Variants in PHF8 observed in about 807,000 individuals in gnomAD.
PHF8 encodes the protein histone lysine demethylase PHF8.
Under a neutral mutation model 74.4 loss-of-function variants are expected in PHF8, and 9 were observed. The ratio of observed to expected loss-of-function variants is 0.12; its 90% CI spans 0.07 to 0.21. PHF8 has a LOEUF of 0.21. Among genes scored for constraint, PHF8 ranks in the 10% least tolerant of loss-of-function variants. The probability of loss-of-function intolerance (pLI) is 1.00; values close to 1 mark genes in which losing one functional copy is unlikely to be tolerated. For synonymous variants in PHF8, 311 were observed against 316.6 expected, an observed-to-expected ratio of 0.98 and a Z score of 0.19; for missense variants, 478 against 816.6, an observed-to-expected ratio of 0.59 and a Z score of 5.05.
intron 18 of PHF8, among the ~76,000 whole-genome samples, chrX:53,981,518 TTTTG>T (rs199757003): frequency 3.1e-4 from 35 of 111,938 alleles, no homozygotes; most frequent in South Asian, 1.5e-3. Flanking sequence ...TCTGTTTTTT[TTTTG>T]TTTGTTTGTT....
intron 18 of PHF8, among the ~76,000 whole-genome samples, chrX:53,972,579 T>C (rs1013438970): frequency 3.6e-5 from 4 of 111,397 alleles, no homozygotes; most frequent in African/African-American, 1.3e-4. Flanking sequence ...AGAAAATACC[T>C]TTGATAAAAT....
chrX:53,974,133 G>A (rs781825863), intron 18 of PHF8, among the ~76,000 whole-genome samples: 1 of 110,370 alleles, frequency 9.1e-6, no homozygotes. Flanking sequence ...GGTGGCAGGC[G>A]CCTGTAGTCC....
chrX:54,016,751 T>A lies in PHF8; in HGVS notation c.455-15A>T. The A allele has an allele frequency of 8.4e-7, 1 of 1,190,515 alleles. No individual in the cohort carries two copies. On this transcript the variant is annotated splice_polypyrimidine_tract_variant and intron_variant, in intron 5 of 21. Transcript: ENST00000338154. ...TTTGTCAGAACCTGGAGTAAAGAGA[T>A]AGGTTCTGCACCAAGTAGTCTCAGG... is the stretch of plus-strand genomic sequence containing the variant.
chrX:54,007,699 G>A (rs782295302), intron 8 of PHF8, among the ~76,000 whole-genome samples: 1 of 112,266 alleles, frequency 8.9e-6, no homozygotes, highest in Non-Finnish European at 1.9e-5. Flanking sequence ...ACCTCAATGA[G>A]ATACCACTTT....
At chrX:53,950,535 A>G (rs2064906746) in intron 19 of PHF8, among the ~76,000 whole-genome samples, 2 of 112,174 alleles carry the variant, frequency 1.8e-5, no homozygotes. Context: ...ACACAAATAG[A>G]AGTGAAGGCT....
At position 53,938,239 on chromosome X, in the gene PHF8, G is replaced by C. The variant is rs186237311; in HGVS notation, c.*919C>G. The C allele has an allele frequency of 7.7e-6, 8 of 1,044,755 alleles. No homozygotes were observed. The highest frequency in any genetic ancestry group is 3.6e-5 in the East Asian group (1 of 28,122). 86.1% of individuals were successfully genotyped at this position (1,044,755 alleles called of 1,213,427 possible). ...GTGGTATAGGCGGAGCAAGCAGGCT[G>C]TAGGGCCAGGGTTATCTGCGTCATT... is the stretch of plus-strand genomic sequence containing the variant. On this transcript the variant is annotated 3_prime_UTR_variant, in exon 22 of 22. Transcript: ENST00000338154.
chrX:54,036,359 A>G (rs1193861772), intron 2 of PHF8, among the ~76,000 whole-genome samples: 4 of 109,372 alleles, frequency 3.7e-5, no homozygotes, highest in Non-Finnish European at 7.6e-5. Flanking sequence ...ACTAGAAGTC[A>G]GTAACAGAAC....
At chrX:54,024,921 G>A (rs1457730715) in intron 2 of PHF8, among the ~76,000 whole-genome samples, 1 of 110,714 alleles carries the variant, frequency 9.0e-6, no homozygotes, top group Non-Finnish European at 1.9e-5. Context: ...CTGTCACCCA[G>A]GCTGGAGTGC....
At chrX:54,022,639 C>G in intron 3 of PHF8, 119 bp downstream of exon 3, 1 of 531,590 alleles carries the variant, frequency 1.9e-6, no homozygotes, top group Non-Finnish European at 3.3e-6. Flanking sequence ...TAGGCTTCTG[C>G]TATTTCCTGA....
intron 19 of PHF8, among the ~76,000 whole-genome samples, chrX:53,961,988 G>A (rs2065113565): frequency 1.8e-5 from 2 of 112,431 alleles, no homozygotes; most frequent in African/African-American, 3.2e-5. Context: ...TATGACTTAA[G>A]CAAAGGCTTG....
intron 19 of PHF8, among the ~76,000 whole-genome samples, chrX:53,954,521 AAAAG>A (rs2064983312): frequency 1.9e-5 from 2 of 104,424 alleles, no homozygotes; most frequent in Non-Finnish European, 3.9e-5. Flanking sequence ...AAAAAAAAAA[AAAAG>A]AAAAGAAAAA....
In PHF8 at chrX:53,937,993, GTCTCT is replaced by G; in HGVS notation, c.*1160_*1164del. Reference sequence around the variant, plus strand: ...ATGGTCTGCTCCTTCACGGATGGGCGTCTCTTCTCTTCAACTTGGGCTCGTGAATG... The same window carrying G: ...ATGGTCTGCTCCTTCACGGATGGGCGTCTCTTCAACTTGGGCTCGTGAATG... On this transcript the variant is annotated 3_prime_UTR_variant, in exon 22 of 22. Transcript: ENST00000338154. The G allele has an allele frequency of 8.6e-7, 1 of 1,163,359 alleles. No individual in the cohort carries two copies. The highest frequency in any genetic ancestry group is 1.9e-5 in the South Asian group (1 of 52,571).
intron 14 of PHF8, among the ~76,000 whole-genome samples, chrX:53,991,317 T>G (rs2065656119): frequency 8.9e-6 from 1 of 112,003 alleles, no homozygotes; most frequent in African/African-American, 3.2e-5. Context: ...AAGTGAAAAT[T>G]TGCTCTTACC....
At chrX:54,044,790 G>A, upstream of PHF8, 1 of 768,474 alleles carries the variant, frequency 1.3e-6, no homozygotes, top group South Asian at 2.5e-5. Context: ...CCTATGAGAG[G>A]AGGTGAACTC....
chrX:53,943,139 T>G, intron 20 of PHF8: 2 of 846,714 alleles, frequency 2.4e-6, no homozygotes, highest in Non-Finnish European at 2.9e-6. Flanking sequence ...TAATTTATAT[T>G]TATATAAAAC....
intron 2 of PHF8, among the ~76,000 whole-genome samples, chrX:54,024,203 G>A (rs1557110831): frequency 9.0e-6 from 1 of 110,863 alleles, no homozygotes; most frequent in Non-Finnish European, 1.9e-5. Flanking sequence ...TGGGAGGATC[G>A]CTTGAGGCCG....
At chrX:53,954,051 A>G (rs2064972753) in intron 19 of PHF8, among the ~76,000 whole-genome samples, 1 of 112,251 alleles carries the variant, frequency 8.9e-6, no homozygotes, top group Non-Finnish European at 1.9e-5. Flanking sequence ...TCAACAAGGT[A>G]TAACAATTAC....
At chrX:54,028,349 C>T (rs190227812) in intron 2 of PHF8, among the ~76,000 whole-genome samples, 9 of 111,706 alleles carry the variant, frequency 8.1e-5, no homozygotes, top group East Asian at 2.8e-4. Context: ...TGGGTAGCCA[C>T]AAGAACTGGG....
At chrX:54,044,515 CG>C (rs1298856089), upstream of PHF8, 11 of 537,095 alleles carry the variant, frequency 2.0e-5, no homozygotes, top group African/African-American at 1.8e-4. Context: ...CGCCGGCTCC[CG>C]GGTGACGTCA....
Sources: allele counts gnomAD v4.1 joint callset (sites outside exome capture counted in the v4.1 genomes callset), GRCh38; gene constraint gnomAD v4.1.1; transcripts MANE v1.5; gene names NCBI Gene and HGNC (gene_info 2026-07-23, HGNC 2026-07-21).